HEATR4: variants seen among roughly 807,000 people sequenced by gnomAD.
HEATR4 encodes the protein HEAT repeat-containing protein 4.
A neutral mutation model predicts 108.8 loss-of-function variants in HEATR4; 95 were observed. The observed-to-expected ratio is 0.87, with a 90% CI of 0.74 to 1.04. HEATR4 has a LOEUF of 1.04. Among genes scored for constraint, HEATR4 ranks in the 50% least tolerant of loss-of-function variants. The pLI is 0.00. For synonymous variants in HEATR4, 443 were observed against 459.4 expected, an observed-to-expected ratio of 0.96 and a Z score of 0.46; for missense variants, 1,152 against 1,253.8, an observed-to-expected ratio of 0.92 and a Z score of 1.23.
rs1015698622 is a variant in HEATR4, at chr14:73,524,016, C to T, written c.-72-792G>A. On this transcript the variant is annotated intron_variant, in intron 2 of 17. Transcript: ENST00000553558. ...AAATATTTAATAGCTGTAGGCCGGG[C>T]GCAGTGGCTCACGCCTGTAATCCCA... is the stretch of plus-strand genomic sequence containing the variant. Among the ~76,000 whole-genome samples, 10 of 151,882 alleles carry T rather than the reference C, an allele frequency of 6.6e-5. No homozygotes were observed. In the East Asian group the frequency reaches 7.7e-4, roughly 12 times the overall value.
At chr14:73,569,735 C>T in the HEATR4 span, 1 of 1,609,542 alleles carries the variant, frequency 6.2e-7, no homozygotes, top group Non-Finnish European at 8.5e-7. Context: ...CGCCCTTGGC[C>T]GTGGAGCTGG....
At chr14:73,481,205 G>A (rs980775262) in intron 17 of HEATR4, among the ~76,000 whole-genome samples, 10 of 152,088 alleles carry the variant, frequency 6.6e-5, no homozygotes, top group African/African-American at 2.2e-4. Context: ...TTGGGAGGCC[G>A]AGGCAGGCAG....
chr14:73,578,145 CT>C, the HEATR4 span, among the ~76,000 whole-genome samples: 34 of 151,842 alleles, frequency 2.2e-4, no homozygotes, highest in Non-Finnish European at 3.5e-4. Flanking sequence ...GCCACCGCCC[CT>C]GGCAAAAAAA....
the HEATR4 span, among the ~76,000 whole-genome samples, chr14:73,625,821 C>T: frequency 6.6e-6 from 1 of 152,202 alleles, no homozygotes; most frequent in African/African-American, 2.4e-5. Flanking sequence ...TTTCCCTCTC[C>T]TCAGGCCTCC....
Position 73,534,580 on chromosome 14 carries a change from T to G in HEATR4, c.-151-4336A>C, listed in dbSNP as rs1285134415. Among the ~76,000 whole-genome samples, 4 of 109,330 alleles carry G rather than the reference T, an allele frequency of 3.7e-5. 1 individual carries two copies. Among genetic ancestry groups the G allele is most frequent in the Non-Finnish European group, 7.8e-5 (4 of 50,970 alleles). The allele number at this position is 109,330 out of a possible 152,430, so 71.7% of individuals were successfully genotyped here. ...GGTGCATGCCTGTGGTCCCAGGTGC[T>G]CGGGAGGCTGAGGTGGGAGAACTGT... On this transcript the variant is annotated intron_variant, in intron 1 of 17. Coordinates refer to ENST00000553558, the MANE Select transcript of HEATR4 (RefSeq NM_001220484.1).
chr14:73,558,513 A>ATTT (rs66706377), intron 1 of HEATR4, among the ~76,000 whole-genome samples: 78 of 73,508 alleles, frequency 1.1e-3, no homozygotes, highest in Non-Finnish European at 1.3e-3. Context: ...TCTCGGTTAA[A>ATTT]TTTTTTTTTT....
At chr14:73,613,696 C>G in the HEATR4 span, among the ~76,000 whole-genome samples, 1 of 152,110 alleles carries the variant, frequency 6.6e-6, no homozygotes, top group Non-Finnish European at 1.5e-5. Context: ...CAGGCAGAGG[C>G]CAGAGATGCT....
chr14:73,583,395 T>C, the HEATR4 span, among the ~76,000 whole-genome samples: 1 of 150,874 alleles, frequency 6.6e-6, no homozygotes, highest in Admixed American at 6.6e-5. Flanking sequence ...GAAAATTTAA[T>C]CCCCTTTACC....
chr14:73,568,657 G>A, the HEATR4 span, among the ~76,000 whole-genome samples: 1 of 152,018 alleles, frequency 6.6e-6, no homozygotes, highest in Admixed American at 6.6e-5. Context: ...GGTGGCTCAT[G>A]CCTGTAAATC....
the HEATR4 span, among the ~76,000 whole-genome samples, chr14:73,565,990 G>A: frequency 4.6e-5 from 7 of 152,046 alleles, no homozygotes; most frequent in South Asian, 8.3e-4. Flanking sequence ...TGATTGGTGC[G>A]TTTACAATTC....
rs1395910422 is a variant in HEATR4 at position 73,541,424 on chromosome 14, C to A, written c.-151-11180G>T. On this transcript the variant is annotated intron_variant, in intron 1 of 17. Transcript: ENST00000553558. ...ACATGTGTGGTAAGTATATGTTTAA[C>A]TTGGTAAGAAACCATCCAACTGTTT... 24 of 1,177,016 alleles carry A rather than the reference C, an allele frequency of 2.0e-5. 9 individuals carry two copies. The East Asian group carries it at 6.3e-4, about 31-fold the overall frequency. The allele number at this position is 1,177,016 out of a possible 1,614,324, so 72.9% of individuals were successfully genotyped here.
In HEATR4 at chr14:73,492,005, A is replaced by G; in HGVS notation, c.2844+1061T>C. On this transcript the variant is annotated intron_variant, in intron 17 of 17. Coordinates refer to ENST00000553558, the MANE Select transcript of HEATR4 (RefSeq NM_001220484.1). This position sits in a 1 kb window ranked among gnomAD's most constrained non-coding sequence, Gnocchi z 4.9. ...CATGGCAGGCTCCAACGTTTACCTCACGCCCCCTAACTCGCAGGGCTTTGC... is the reference window on the plus strand; with the variant it reads ...CATGGCAGGCTCCAACGTTTACCTCGCGCCCCCTAACTCGCAGGGCTTTGC... 6.2e-7 allele frequency: 1 copy of G among 1,613,836 alleles called. No individual in the cohort carries two copies. Among genetic ancestry groups the G allele is most frequent in the South Asian group, 1.1e-5 (1 of 91,080 alleles).
chr14:73,561,376 A>T (rs936503949), upstream of HEATR4, among the ~76,000 whole-genome samples: 1 of 150,858 alleles, frequency 6.6e-6, no homozygotes, highest in East Asian at 2.0e-4. Context: ...AAAAAAAAAG[A>T]AAGAAAAAAA....
At chr14:73,609,474 T>A in the HEATR4 span, among the ~76,000 whole-genome samples, 1 of 152,090 alleles carries the variant, frequency 6.6e-6, no homozygotes, top group Non-Finnish European at 1.5e-5. Context: ...CGTGGCTGAT[T>A]CTAGGTTTAG....
the HEATR4 span, among the ~76,000 whole-genome samples, chr14:73,615,271 C>G: frequency 6.8e-6 from 1 of 147,818 alleles, no homozygotes; most frequent in East Asian, 2.0e-4. Context: ...CCTGTAATCC[C>G]AGCTACTCAG....
chr14:73,490,867 G>GATCT, intron 17 of HEATR4: 1 of 755,526 alleles, frequency 1.3e-6, no homozygotes, highest in Non-Finnish European at 1.8e-6. Flanking sequence ...GAGAGCGGGA[G>GATCT]GGGCCGAATA....
intron 1 of HEATR4, chr14:73,537,096 G>A: frequency 4.4e-6 from 1 of 228,220 alleles, no homozygotes; most frequent in Non-Finnish European, 7.7e-6. Flanking sequence ...CCATTCTCCT[G>A]CCTCAGCCTC....
At chr14:73,499,652 ATTG>A in intron 12 of HEATR4, among the ~76,000 whole-genome samples, 1 of 152,300 alleles carries the variant, frequency 6.6e-6, no homozygotes, top group South Asian at 2.1e-4. Context: ...ATTATCTGCT[ATTG>A]ATTTTCTCAG....
At chr14:73,617,235 A>G in the HEATR4 span, 2 of 1,613,552 alleles carry the variant, frequency 1.2e-6, no homozygotes, top group East Asian at 2.2e-5. Context: ...GAGGGGATAG[A>G]GCTGATGCAG....
Sources: gnomAD v4.1 joint callset for allele counts (sites outside exome capture counted in the v4.1 genomes callset) on GRCh38, gnomAD v4.1.1 for gene constraint, Gnocchi (gnomAD v3.1) non-coding constraint, MANE v1.5 for transcripts, NCBI Gene and HGNC (gene_info 2026-07-23, HGNC 2026-07-21) for gene names.